IGF1R: variants seen among roughly 807,000 people sequenced by gnomAD.
IGF1R encodes insulin-like growth factor 1 receptor.
IGF1R carries 44 observed loss-of-function variants against 144.6 expected under a neutral mutation model. That is an observed-to-expected ratio of 0.30 (90% CI 0.24 to 0.39). IGF1R has a LOEUF of 0.39. Ranked by LOEUF, IGF1R falls within the 10% of genes least tolerant of loss-of-function variation. The probability of loss-of-function intolerance (pLI) is 1.00; values close to 1 mark genes in which losing one functional copy is unlikely to be tolerated. For synonymous variants in IGF1R, 795 were observed against 722.8 expected, an observed-to-expected ratio of 1.10 and a Z score of -1.60; for missense variants, 1,355 against 1,833.7, an observed-to-expected ratio of 0.74 and a Z score of 4.77.
At chr15:98,906,185 A>G (rs1435070933) in intron 5 of IGF1R, among the ~76,000 whole-genome samples, 1 of 152,238 alleles carries the variant, frequency 6.6e-6, no homozygotes, top group African/African-American at 2.4e-5. Context: ...CTGGTTTATA[A>G]TTCATGCTTC....
At position 98,915,399 on chromosome 15, in the gene IGF1R, C is replaced by T. The variant is rs559434834; in HGVS notation, c.1829-565C>T. Among the ~76,000 whole-genome samples the T allele has an allele frequency of 2.0e-5, 3 of 152,332 alleles. No individual in the cohort carries two copies. The South Asian group carries it at 6.2e-4, about 32-fold the overall frequency. On this transcript the variant is annotated intron_variant, in intron 8 of 20. Transcript: ENST00000650285. ...GGATGCCTGTGGAAATGGTGGACTT[C>T]CGTGTTCTTTGCATTGCCTCTCCCC...
chr15:98,939,675 AG>A (rs947437659), intron 18 of IGF1R, among the ~76,000 whole-genome samples: 34 of 152,242 alleles, frequency 2.2e-4, no homozygotes, highest in Non-Finnish European at 3.5e-4. Flanking sequence ...CAATGTCTTC[AG>A]GAGATTTTGA....
chr15:98,821,523 G>T (rs903234507), intron 2 of IGF1R, among the ~76,000 whole-genome samples: 1 of 145,078 alleles, frequency 6.9e-6, no homozygotes, highest in African/African-American at 2.9e-5. Flanking sequence ...GAAGGGGAAG[G>T]GGTGGCTTGC....
At chr15:98,825,527 G>T (rs978528689) in intron 2 of IGF1R, among the ~76,000 whole-genome samples, 1 of 152,200 alleles carries the variant, frequency 6.6e-6, no homozygotes, top group Non-Finnish European at 1.5e-5. Flanking sequence ...AGAGGTCCTA[G>T]ATTCTCATAG....
intron 1 of IGF1R, among the ~76,000 whole-genome samples, chr15:98,701,953 AGAT>A (rs1314365456): frequency 6.6e-6 from 1 of 151,596 alleles, no homozygotes; most frequent in Non-Finnish European, 1.5e-5. Flanking sequence ...CAGGTGAGGA[AGAT>A]GGGGTTTAGA....
intron 2 of IGF1R, among the ~76,000 whole-genome samples, chr15:98,717,035 C>G (rs562350042): frequency 6.6e-6 from 1 of 152,168 alleles, no homozygotes; most frequent in Admixed American, 6.5e-5. Context: ...CAGCTTTCCC[C>G]TGCTTGTTTT....
chr15:98,883,225 A>G (rs745620903), intron 2 of IGF1R, among the ~76,000 whole-genome samples: 4 of 152,184 alleles, frequency 2.6e-5, no homozygotes, highest in African/African-American at 4.8e-5. Flanking sequence ...GATTCCACAT[A>G]ATGGCTGCAG....
At chr15:98,652,345 C>T (rs969757599) in intron 1 of IGF1R, among the ~76,000 whole-genome samples, 4 of 152,200 alleles carry the variant, frequency 2.6e-5, no homozygotes, top group Non-Finnish European at 5.9e-5. Context: ...CCCCAGGCAT[C>T]CTGTTGTCAC....
intron 2 of IGF1R, among the ~76,000 whole-genome samples, chr15:98,877,656 G>C (rs542590015): frequency 6.6e-6 from 1 of 152,106 alleles, no homozygotes; most frequent in Non-Finnish European, 1.5e-5. Context: ...AGGAGGTAGC[G>C]TTGGAGGAGC....
chr15:98,667,379 GAGGGGGGAGCCCTTGAAAGAA>G (rs1354221568), intron 1 of IGF1R, among the ~76,000 whole-genome samples: 1 of 152,054 alleles, frequency 6.6e-6, no homozygotes, highest in Non-Finnish European at 1.5e-5. Flanking sequence ...CCTCATTACA[GAGGGGGGAGCCCTTGAAAGAA>G]AGGGATTGAC....
intron 2 of IGF1R, among the ~76,000 whole-genome samples, chr15:98,732,397 C>T (rs1376731345): frequency 6.6e-6 from 1 of 152,318 alleles, no homozygotes; most frequent in East Asian, 1.9e-4. Context: ...GTGGCCCTGT[C>T]TGCCTTCCCT....
intron 2 of IGF1R, among the ~76,000 whole-genome samples, chr15:98,781,180 T>G (rs1472687433): frequency 6.6e-6 from 1 of 152,198 alleles, no homozygotes; most frequent in African/African-American, 2.4e-5. Flanking sequence ...GGTGAGAAAC[T>G]GGAATATTAT....
chr15:98,777,628 C>G (rs1452523917), intron 2 of IGF1R, among the ~76,000 whole-genome samples: 3 of 152,190 alleles, frequency 2.0e-5, no homozygotes, highest in Non-Finnish European at 4.4e-5. Context: ...TGGGGGCTGT[C>G]CAAAGTCAGA....
chr15:98,957,253 G>T lies in IGF1R; in HGVS notation c.3915G>T (p.Leu1305=). 1 of 1,614,152 alleles carries T rather than the reference G, an allele frequency of 6.2e-7. No homozygotes were observed. Among genetic ancestry groups the T allele is most frequent in the South Asian group, 1.1e-5 (1 of 91,088 alleles). ...CAGAGAACATGGAGAGCGTCCCCCT[G>T]GACCCCTCGGCCTCCTCGTCCTCCC... ...LEPENMESVP[L]DPSASSSSLP... Residue 1305 remains leucine (L), a synonymous_variant, in exon 21 of 21, where the codon CTG becomes CTT. Transcript: ENST00000650285.
chr15:98,661,623 G>A (rs770501744), intron 1 of IGF1R, among the ~76,000 whole-genome samples: 1 of 152,192 alleles, frequency 6.6e-6, no homozygotes, highest in Non-Finnish European at 1.5e-5. Context: ...GTTTGCATAT[G>A]TGCAGGGCTT....
Position 98,948,449 on chromosome 15 carries a change from A to G in IGF1R, c.3588-125A>G, listed in dbSNP as rs181591275. 53 of 1,017,044 alleles carry G rather than the reference A, an allele frequency of 5.2e-5. No individual in the cohort carries two copies. In the East Asian group the frequency reaches 1.1e-3, roughly 22 times the overall value. The allele number at this position is 1,017,044 out of a possible 1,614,324, so 63.0% of individuals were successfully genotyped here. On this transcript the variant is annotated intron_variant, in intron 19 of 20. Coordinates refer to ENST00000650285, the MANE Select transcript of IGF1R (RefSeq NM_000875.5). Reference sequence around the variant, plus strand: ...AGCCCAGGGCCTGGCTCGCTGTCTGACAAGCACTGTCACCATAGTAAGGAC... The same window carrying G: ...AGCCCAGGGCCTGGCTCGCTGTCTGGCAAGCACTGTCACCATAGTAAGGAC...
At chr15:98,766,817 A>G (rs1421768196) in intron 2 of IGF1R, among the ~76,000 whole-genome samples, 2 of 152,202 alleles carry the variant, frequency 1.3e-5, no homozygotes, top group Non-Finnish European at 2.9e-5. Context: ...ATTCTGTGCT[A>G]AGTCAGAATT....
intron 20 of IGF1R, among the ~76,000 whole-genome samples, chr15:98,953,705 A>G (rs1012044299): frequency 6.6e-6 from 1 of 152,232 alleles, no homozygotes; most frequent in Non-Finnish European, 1.5e-5. Flanking sequence ...TTTGGTCTAC[A>G]GGATTCAGGA....
At chr15:98,783,014 C>G (rs1194329238) in intron 2 of IGF1R, among the ~76,000 whole-genome samples, 2 of 152,132 alleles carry the variant, frequency 1.3e-5, no homozygotes, top group Non-Finnish European at 2.9e-5. Flanking sequence ...ATCTGGATGG[C>G]CCAACATCAT....
Sources: gnomAD v4.1 joint callset for allele counts (sites outside exome capture counted in the v4.1 genomes callset) on GRCh38, gnomAD v4.1.1 for gene constraint, MANE v1.5 for transcripts, NCBI Gene and HGNC (gene_info 2026-07-23, HGNC 2026-07-21) for gene names.